The following LARGE1 variants were observed in gnomAD, a reference collection of about 807,000 sequenced individuals.
The protein encoded by LARGE1 is xylosyl- and glucuronyltransferase LARGE1.
A neutral mutation model predicts 87.6 loss-of-function variants in LARGE1; 43 were observed. The ratio of observed to expected loss-of-function variants is 0.49; its 90% CI spans 0.38 to 0.63. The LOEUF is 0.63. Ranked by LOEUF, LARGE1 falls within the 30% of genes least tolerant of loss-of-function variation. The probability of loss-of-function intolerance (pLI) is 0.00; values close to 1 mark genes in which losing one functional copy is unlikely to be tolerated. For synonymous variants in LARGE1, 434 were observed against 394.6 expected, an observed-to-expected ratio of 1.10 and a Z score of -1.18; for missense variants, 802 against 1,000.2, an observed-to-expected ratio of 0.80 and a Z score of 2.67.
intron 1 of LARGE1, among the ~76,000 whole-genome samples, chr22:33,774,009 C>A (rs1470942933): frequency 7.2e-6 from 1 of 139,732 alleles, no homozygotes; most frequent in Non-Finnish European, 1.5e-5. Context: ...TGCCTCAAGG[C>A]TGTGTATCTT....
In LARGE1 at chr22:33,219,349, C is replaced by T. The variant is rs969430033; in HGVS notation, c.1731-52517G>A. On this transcript the variant is annotated intron_variant, in intron 11 of 11. Transcript: ENST00000608642. The stretch of plus-strand genomic sequence containing the variant: ...GGTCATTTCTACAAGGATTACAAAG[C>T]TGCCTGTAAAACATGTAGACATGGG... Among the ~76,000 whole-genome samples, 3 of 152,294 alleles carry T rather than the reference C, an allele frequency of 2.0e-5. No homozygotes were observed. The East Asian group carries it at 5.8e-4, about 29-fold the overall frequency.
intron 2 of LARGE1, among the ~76,000 whole-genome samples, chr22:33,678,074 C>T (rs1309180735): frequency 6.6e-6 from 1 of 152,080 alleles, no homozygotes; most frequent in Non-Finnish European, 1.5e-5. Flanking sequence ...ATAAAAAACG[C>T]ATTTGTAAAA....
intron 6 of LARGE1, among the ~76,000 whole-genome samples, chr22:33,564,011 T>C (rs1236431236): frequency 6.6e-6 from 1 of 152,170 alleles, no homozygotes; most frequent in Non-Finnish European, 1.5e-5. Context: ...TTAAGTAGTA[T>C]TTTGCTTTCA....
intron 6 of LARGE1, among the ~76,000 whole-genome samples, chr22:33,446,542 T>G (rs1280273503): frequency 6.6e-6 from 1 of 152,094 alleles, no homozygotes; most frequent in Non-Finnish European, 1.5e-5. Flanking sequence ...GGACACTTAG[T>G]GGGTATCTGC....
At chr22:33,813,427 T>A (rs1176128277) in intron 1 of LARGE1, among the ~76,000 whole-genome samples, 1 of 151,998 alleles carries the variant, frequency 6.6e-6, no homozygotes, top group African/African-American at 2.4e-5. Context: ...GTTCCAGCAA[T>A]GTCCCACACA....
At chr22:33,749,942 A>G (rs529160673) in intron 2 of LARGE1, among the ~76,000 whole-genome samples, 1 of 152,176 alleles carries the variant, frequency 6.6e-6, no homozygotes, top group African/African-American at 2.4e-5. Context: ...CTCCCTTGCT[A>G]TCTTGGTGGC....
chr22:33,398,473 T>G (rs553440570), intron 7 of LARGE1, among the ~76,000 whole-genome samples: 1 of 152,228 alleles, frequency 6.6e-6, no homozygotes, highest in Non-Finnish European at 1.5e-5. Context: ...CCTTAGTCTG[T>G]TTAGACTCAC....
chr22:33,857,629 C>G (rs139560688), intron 1 of LARGE1, among the ~76,000 whole-genome samples: 134 of 152,284 alleles, frequency 8.8e-4, no homozygotes, highest in African/African-American at 3.1e-3. Context: ...AATCTCTAGC[C>G]TATCACACAA....
intron 9 of LARGE1, among the ~76,000 whole-genome samples, chr22:33,356,383 G>A (rs1335487960): frequency 1.3e-5 from 2 of 152,218 alleles, no homozygotes; most frequent in African/African-American, 4.8e-5. Context: ...GACACATGAT[G>A]TGAAGGTCAG....
chr22:33,610,610 G>C (rs140687801), intron 4 of LARGE1, among the ~76,000 whole-genome samples: 1 of 152,310 alleles, frequency 6.6e-6, no homozygotes, highest in East Asian at 1.9e-4. Context: ...TAACCATGTG[G>C]AAAAGAAAGA....
At chr22:33,394,660 TTGTGGTCTCAACCATACCA>T (rs1414047054) in intron 7 of LARGE1, among the ~76,000 whole-genome samples, 7 of 152,036 alleles carry the variant, frequency 4.6e-5, no homozygotes, top group Admixed American at 1.3e-4. Flanking sequence ...ACTCTTTGAT[TTGTGGTCTCAACCATACCA>T]TGTGGTCTCA....
chr22:33,700,178 A>G (rs895278941), intron 2 of LARGE1, among the ~76,000 whole-genome samples: 48 of 152,160 alleles, frequency 3.2e-4, no homozygotes, highest in African/African-American at 1.1e-3. Context: ...CATCACCTAC[A>G]CAGTAGTTAG....
chr22:33,467,058 C>T (rs1297893596), intron 6 of LARGE1, among the ~76,000 whole-genome samples: 2 of 152,092 alleles, frequency 1.3e-5, no homozygotes, highest in African/African-American at 2.4e-5. Context: ...AGAGTCTGTT[C>T]TCTCATGTTG....
chr22:33,274,676 A>C, intron 14 of LARGE1, 52 bp from the exon 15 acceptor site: 1 of 1,497,986 alleles, frequency 6.7e-7, no homozygotes. Flanking sequence ...AGGGTCATGC[A>C]TGATGAAGGC....
At chr22:33,377,607 T>G (rs2065029233) in intron 9 of LARGE1, among the ~76,000 whole-genome samples, 1 of 152,262 alleles carries the variant, frequency 6.6e-6, no homozygotes, top group Admixed American at 6.5e-5. Flanking sequence ...ATCTTATACT[T>G]GAAAGATTAT....
the LARGE1 span, among the ~76,000 whole-genome samples, chr22:33,141,194 T>A: frequency 0.43 from 60,353 of 141,352 alleles, 12,805 homozygotes; most frequent in South Asian, 0.64. Flanking sequence ...TCTCTCTCTC[T>A]CACACACACA....
intron 7 of LARGE1, among the ~76,000 whole-genome samples, chr22:33,424,652 C>CA (rs2066811663): frequency 6.6e-6 from 1 of 151,664 alleles, no homozygotes; most frequent in Non-Finnish European, 1.5e-5. Flanking sequence ...AAGTGAGACC[C>CA]TGTCTATATA....
intron 9 of LARGE1, among the ~76,000 whole-genome samples, chr22:33,366,789 G>A (rs1447807321): frequency 6.6e-6 from 1 of 152,004 alleles, no homozygotes; most frequent in South Asian, 2.1e-4. Flanking sequence ...TTTATTAACA[G>A]CATGAGAACA....
At chr22:33,385,522 C>T (rs1261339513) in intron 7 of LARGE1, among the ~76,000 whole-genome samples, 1 of 90,638 alleles carries the variant, frequency 1.1e-5, no homozygotes, top group Non-Finnish European at 2.0e-5. Context: ...CGCAGGACAC[C>T]GTCTCAAAAA....
Sources: allele counts gnomAD v4.1 joint callset (sites outside exome capture counted in the v4.1 genomes callset), GRCh38; gene constraint gnomAD v4.1.1; transcripts MANE v1.5; gene names NCBI Gene and HGNC (gene_info 2026-07-23, HGNC 2026-07-21).